Variants in EPC1 observed in about 807,000 individuals in gnomAD.
EPC1 encodes the protein enhancer of polycomb homolog 1.
A neutral mutation model predicts 98.4 loss-of-function variants in EPC1; 12 were observed. The ratio of observed to expected loss-of-function variants is 0.12; its 90% confidence interval spans 0.08 to 0.20. The LOEUF (loss-of-function observed/expected upper bound fraction) is 0.20. Ranked by LOEUF, EPC1 falls within the 10% of genes least tolerant of loss-of-function variation. The probability of loss-of-function intolerance (pLI) is 1.00; values close to 1 mark genes in which losing one functional copy is unlikely to be tolerated. For synonymous variants in EPC1, 357 were observed against 363.9 expected, an observed-to-expected ratio of 0.98 and a Z score of 0.21; for missense variants, 729 against 990.5, an observed-to-expected ratio of 0.74 and a Z score of 3.54.
At chr10:32,358,979 A>G (rs911634074) in intron 1 of EPC1, among the ~76,000 whole-genome samples, 1 of 152,186 alleles carries the variant, frequency 6.6e-6, no homozygotes, top group Non-Finnish European at 1.5e-5. Context: ...CTCACCATGT[A>G]TAGGCTCAGG....
In EPC1 at chr10:32,268,962, C is replaced by T; in HGVS notation, c.*101G>A. On this transcript the variant is annotated 3_prime_UTR_variant, in exon 14 of 14. Transcript: ENST00000319778. The stretch of plus-strand genomic sequence containing the variant: ...TGCTGTCAAGTCCCCACAGCTGCCA[C>T]AGAAACGCATGTGCTGCTTTCCATC... 1 of 994,368 alleles carries T rather than the reference C, an allele frequency of 1.0e-6. No individual in the cohort carries two copies. Among genetic ancestry groups the T allele is most frequent in the South Asian group, 1.5e-5 (1 of 68,734 alleles). The allele number at this position is 994,368 out of a possible 1,614,324, so 61.6% of individuals were successfully genotyped here.
intron 1 of EPC1, among the ~76,000 whole-genome samples, chr10:32,320,758 C>A (rs1380051632): frequency 6.6e-6 from 1 of 152,074 alleles, no homozygotes; most frequent in Non-Finnish European, 1.5e-5. Flanking sequence ...CCACGCCCAG[C>A]TAATTTTCAG....
At chr10:32,336,193 G>A (rs1202458873) in intron 1 of EPC1, among the ~76,000 whole-genome samples, 2 of 151,192 alleles carry the variant, frequency 1.3e-5, no homozygotes, top group African/African-American at 4.9e-5. Flanking sequence ...ATCAGCCTCT[G>A]GAGTAGCTGG....
intron 2 of EPC1, among the ~76,000 whole-genome samples, chr10:32,297,231 TTTTC>T (rs1273778717): frequency 2.0e-5 from 3 of 152,074 alleles, no homozygotes; most frequent in African/African-American, 4.8e-5. Context: ...ATAGGTCATC[TTTTC>T]TAATTAAGTT....
At chr10:32,290,756 G>A (rs1836969475) in intron 6 of EPC1, among the ~76,000 whole-genome samples, 1 of 151,342 alleles carries the variant, frequency 6.6e-6, no homozygotes, top group Admixed American at 6.6e-5. Flanking sequence ...TTAAGGTGGG[G>A]TATATATGTA....
chr10:32,377,048 A>G (rs567891328), intron 1 of EPC1: 2 of 152,322 alleles, frequency 1.3e-5, no homozygotes, highest in East Asian at 1.9e-4. Context: ...TTCTCTAATC[A>G]GATAACTCAA....
intron 1 of EPC1, among the ~76,000 whole-genome samples, chr10:32,343,050 T>C (rs916741199): frequency 2.6e-5 from 4 of 152,148 alleles, no homozygotes; most frequent in East Asian, 1.9e-4. Context: ...ATAGGACATA[T>C]GCCCCACACC....
intron 10 of EPC1, among the ~76,000 whole-genome samples, chr10:32,275,901 C>T (rs1836066778): frequency 6.6e-6 from 1 of 151,770 alleles, no homozygotes; most frequent in South Asian, 2.1e-4. Context: ...CACACCATTG[C>T]ACTCTAACCT....
rs552781317 is a variant in EPC1 at position 32,365,679 on chromosome 10, G to C, written c.3+12812C>G. Among the ~76,000 whole-genome samples, 5 of 150,982 alleles carry C rather than the reference G, an allele frequency of 3.3e-5. No individual in the cohort carries two copies. In the South Asian group the frequency reaches 1.0e-3, roughly 32 times the overall value. Reference sequence around the variant, plus strand: ...AATTCAAAAAAGAAAAAACTGGCTGGGCATAGTGGTGCACCTGTAATCTCT... The same window carrying C: ...AATTCAAAAAAGAAAAAACTGGCTGCGCATAGTGGTGCACCTGTAATCTCT... On this transcript the variant is annotated intron_variant, in intron 1 of 13. Coordinates refer to the EPC1 transcript ENST00000375110.
chr10:32,333,778 G>C (rs1467561214), intron 1 of EPC1, among the ~76,000 whole-genome samples: 1 of 152,212 alleles, frequency 6.6e-6, no homozygotes, highest in Non-Finnish European at 1.5e-5. Flanking sequence ...CGAGAAGGGT[G>C]TTGTCTCTCA....
chr10:32,314,424 A>T (rs1321791276), intron 1 of EPC1, among the ~76,000 whole-genome samples: 4 of 152,214 alleles, frequency 2.6e-5, no homozygotes, highest in African/African-American at 9.6e-5. Context: ...TGCCTAGTGC[A>T]ATAGAAGAGT....
intron 1 of EPC1, chr10:32,346,465 A>G: frequency 2.9e-6 from 1 of 347,656 alleles, no homozygotes; most frequent in Non-Finnish European, 5.4e-6. Flanking sequence ...ACTAAGACAC[A>G]AAATGGCTGC....
At chr10:32,367,337 C>T (rs1025810363) in intron 1 of EPC1, among the ~76,000 whole-genome samples, 4 of 152,116 alleles carry the variant, frequency 2.6e-5, no homozygotes, top group Admixed American at 1.3e-4. Flanking sequence ...CCACCGTCCC[C>T]GGCCCCAAAC....
intron 1 of EPC1, among the ~76,000 whole-genome samples, chr10:32,309,150 GGAT>G (rs750023761): frequency 3.9e-5 from 6 of 152,090 alleles, no homozygotes; most frequent in Non-Finnish European, 7.4e-5. Flanking sequence ...GAAAAAGTGG[GGAT>G]GGTTAATGGG....
At chr10:32,368,176 T>A (rs1279668607) in intron 1 of EPC1, among the ~76,000 whole-genome samples, 2 of 152,222 alleles carry the variant, frequency 1.3e-5, no homozygotes, top group African/African-American at 4.8e-5. Flanking sequence ...GTTCTCTCTT[T>A]ATTTATCCCT....
At chr10:32,300,392 G>A (rs776386092) in intron 2 of EPC1, among the ~76,000 whole-genome samples, 3 of 135,404 alleles carry the variant, frequency 2.2e-5, no homozygotes, top group African/African-American at 8.5e-5. Flanking sequence ...TTTCCCTCCC[G>A]CCCCCGCTCC....
rs927005625 is a variant in EPC1 at position 32,304,507 on chromosome 10, C to T, written c.313+1265G>A. Among the ~76,000 whole-genome samples, 4 of 152,142 alleles carry T rather than the reference C, an allele frequency of 2.6e-5. 1 individual carries two copies. In the South Asian group the frequency reaches 6.2e-4, roughly 24 times the overall value. ...TGTCTGTCTCTTAAATGTAACAAAA[C>T]GTGACTGCACAAGTAGACTAGTTAA... On this transcript the variant is annotated intron_variant, in intron 2 of 13. Coordinates refer to ENST00000319778, the MANE Select transcript of EPC1 (RefSeq NM_001272004.3).
chr10:32,270,335 C>T (rs1835776846), intron 13 of EPC1, among the ~76,000 whole-genome samples: 1 of 152,146 alleles, frequency 6.6e-6, no homozygotes, highest in African/African-American at 2.4e-5. Flanking sequence ...ACTGAAAACA[C>T]CTGTCTTTTT....
At chr10:32,334,248 C>A (rs1471027392) in intron 1 of EPC1, among the ~76,000 whole-genome samples, 1 of 152,156 alleles carries the variant, frequency 6.6e-6, no homozygotes, top group African/African-American at 2.4e-5. Flanking sequence ...TTACCTTAAG[C>A]CTGACCCAAT....
Sources: gnomAD v4.1 joint callset for allele counts (sites outside exome capture counted in the v4.1 genomes callset) on GRCh38, gnomAD v4.1.1 for gene constraint, MANE v1.5 for transcripts, NCBI Gene and HGNC (gene_info 2026-07-23, HGNC 2026-07-21) for gene names.